The following NBAS variants were observed in gnomAD, a reference collection of about 807,000 sequenced individuals.
NBAS encodes the protein NAG/BC035112 fusion.
A neutral mutation model predicts 302.5 loss-of-function variants in NBAS; 219 were observed. The ratio of observed to expected loss-of-function variants is 0.72; its 90% CI spans 0.65 to 0.81. The LOEUF is 0.81. NBAS is among the 30% of genes least tolerant of loss of function. The pLI is 0.00. For synonymous variants in NBAS, 1,118 were observed against 1,021.6 expected, an observed-to-expected ratio of 1.09 and a Z score of -1.80; for missense variants, 2,932 against 2,841.6, an observed-to-expected ratio of 1.03 and a Z score of -0.72.
chr2:15,480,291 T>C (rs1423954250), intron 12 of NBAS, among the ~76,000 whole-genome samples: 2 of 151,678 alleles, frequency 1.3e-5, no homozygotes, highest in African/African-American at 2.4e-5. Flanking sequence ...CAGTAAGCTA[T>C]GATCACACCA....
the NBAS span, among the ~76,000 whole-genome samples, chr2:14,970,550 T>G: frequency 1.3e-5 from 2 of 152,172 alleles, no homozygotes; most frequent in African/African-American, 2.4e-5. Flanking sequence ...GGTCCTCTAA[T>G]AGAACACAGG....
chr2:15,167,996 G>A (rs993127487), intron 51 of NBAS, among the ~76,000 whole-genome samples: 1 of 152,082 alleles, frequency 6.6e-6, no homozygotes, highest in African/African-American at 2.4e-5. Flanking sequence ...TACCAACCTT[G>A]CCTTTTAAAA....
chr2:15,115,697 T>C, the NBAS span, among the ~76,000 whole-genome samples: 1 of 152,020 alleles, frequency 6.6e-6, no homozygotes, highest in Non-Finnish European at 1.5e-5. Context: ...CTTTTTTGTA[T>C]AGACGAAGCT....
At chr2:14,834,303 C>A in the NBAS span, among the ~76,000 whole-genome samples, 7 of 152,264 alleles carry the variant, frequency 4.6e-5, no homozygotes, top group African/African-American at 1.4e-4. Flanking sequence ...CCCATCTTTG[C>A]TGTGGAATCA....
chr2:15,239,850 T>G (rs1226868094), intron 44 of NBAS, among the ~76,000 whole-genome samples: 3 of 152,172 alleles, frequency 2.0e-5, no homozygotes, highest in Non-Finnish European at 4.4e-5. Context: ...GGGAGTTATA[T>G]TTTTCTAATT....
rs1663389896 is a variant in NBAS, at chr2:15,534,558, T to C, written c.731A>G (p.Tyr244Cys). 4 of 1,609,674 alleles carry C rather than the reference T, an allele frequency of 2.5e-6. No individual in the cohort carries two copies. The East Asian group carries it at 8.9e-5, about 36-fold the overall frequency. Residue 244 changes from tyrosine (Y) to cysteine (C), a missense_variant, in exon 9 of 52, where the codon TAC becomes TGC. Physicochemically the swap from Tyr to Cys is radical, Grantham distance 194. Coordinates refer to ENST00000281513, the MANE Select transcript of NBAS (RefSeq NM_015909.4). The stretch of plus-strand genomic sequence containing the variant: ...GGTTACTTACCTGTGACCAGGGTGG[T>C]AAATAGCTGTGTTGATTCCATGAGG... ...HYPHGINTAI[Y>C]HPGHRLLLVG...
At position 15,534,585 on chromosome 2, in the gene NBAS, T is replaced by A; in HGVS notation, c.704A>T (p.Tyr235Phe). Residue 235 changes from tyrosine to phenylalanine, a missense_variant, in exon 9 of 52, where the codon TAT becomes TTT. Transcript: ENST00000281513. ...AATAGCTGTGTTGATTCCATGAGGA[T>A]AATGACTACTGAAGCTGAAACAGTG... ...ESHCFSFSSH[Y>F]PHGINTAIYH... 6.2e-7 allele frequency: 1 copy of A among 1,613,850 alleles called. No homozygotes were observed. The highest frequency in any genetic ancestry group is 8.5e-7 in the Non-Finnish European group (1 of 1,179,762).
At chr2:15,536,344 G>T in intron 8 of NBAS, 74 bp downstream of exon 8, 9 of 1,401,530 alleles carry the variant, frequency 6.4e-6, no homozygotes, top group Non-Finnish European at 6.9e-6. Flanking sequence ...AAAAAAAAAA[G>T]AAATATCAAA....
chr2:14,995,107 C>G, the NBAS span, among the ~76,000 whole-genome samples: 2 of 152,164 alleles, frequency 1.3e-5, no homozygotes, highest in African/African-American at 4.8e-5. Context: ...ATGTGCACAA[C>G]GTGCCGGTTT....
chr2:15,194,730 T>C (rs1314071801), intron 48 of NBAS, among the ~76,000 whole-genome samples: 1 of 152,050 alleles, frequency 6.6e-6, no homozygotes, highest in East Asian at 1.9e-4. Context: ...TTCAAGACAA[T>C]AATATTTAAA....
At chr2:15,061,116 C>T in the NBAS span, among the ~76,000 whole-genome samples, 2 of 152,166 alleles carry the variant, frequency 1.3e-5, no homozygotes, top group African/African-American at 2.4e-5. Flanking sequence ...ATAAAACTTG[C>T]GTCCCAGGGA....
the NBAS span, among the ~76,000 whole-genome samples, chr2:14,845,314 C>A: frequency 6.6e-6 from 1 of 152,172 alleles, no homozygotes; most frequent in East Asian, 1.9e-4. Context: ...CAAGGTGGTA[C>A]CTCTATGAGT....
At chr2:14,904,981 G>A in the NBAS span, among the ~76,000 whole-genome samples, 5 of 152,160 alleles carry the variant, frequency 3.3e-5, no homozygotes, top group Non-Finnish European at 5.9e-5. Flanking sequence ...CCCGGGAAGC[G>A]GAGCTTGCAG....
chr2:15,495,481 T>C (rs1283992954), intron 11 of NBAS, among the ~76,000 whole-genome samples: 2 of 152,040 alleles, frequency 1.3e-5, no homozygotes, highest in African/African-American at 4.8e-5. Flanking sequence ...AAAAAAAAGA[T>C]GATATGGAGG....
chr2:15,503,974 T>A (rs1158969129), intron 11 of NBAS, among the ~76,000 whole-genome samples, 171 bp downstream of exon 11: 1 of 152,156 alleles, frequency 6.6e-6, no homozygotes, highest in East Asian at 1.9e-4. Context: ...AATATAAAAA[T>A]CTTCAGCACC....
At chr2:14,994,585 G>T in the NBAS span, among the ~76,000 whole-genome samples, 49,233 of 152,062 alleles carry the variant, frequency 0.32, 8,715 homozygotes, top group Middle Eastern at 0.41. Flanking sequence ...TTCTAACAAG[G>T]TTCCCGAGAG....
chr2:15,348,137 A>G (rs778676972), intron 35 of NBAS, among the ~76,000 whole-genome samples: 1 of 152,208 alleles, frequency 6.6e-6, no homozygotes, highest in Non-Finnish European at 1.5e-5. Context: ...TTTTAACCTA[A>G]TGATAGTAGC....
the NBAS span, among the ~76,000 whole-genome samples, chr2:14,858,864 T>C: frequency 2.0e-5 from 3 of 152,114 alleles, no homozygotes; most frequent in Non-Finnish European, 4.4e-5. Flanking sequence ...CTTGAAATGA[T>C]GGATACCCCT....
At chr2:15,530,924 C>T (rs968426300) in intron 9 of NBAS, among the ~76,000 whole-genome samples, 2 of 151,224 alleles carry the variant, frequency 1.3e-5, no homozygotes, top group African/African-American at 2.4e-5. Context: ...GAGAGGAAGA[C>T]GACAAAAAGC....
Sources: allele counts gnomAD v4.1 joint callset (sites outside exome capture counted in the v4.1 genomes callset), GRCh38; gene constraint gnomAD v4.1.1; transcripts MANE v1.5; gene names NCBI Gene and HGNC (gene_info 2026-07-23, HGNC 2026-07-21).